The following BTBD7 variants were observed in gnomAD, a reference collection of about 807,000 sequenced individuals.
The protein encoded by BTBD7 is BTB/POZ domain-containing protein 7.
Under a neutral mutation model 99.9 loss-of-function variants are expected in BTBD7, and 38 were observed. The ratio of observed to expected loss-of-function variants is 0.38; its 90% CI spans 0.29 to 0.50. The LOEUF (loss-of-function observed/expected upper bound fraction) is 0.50. BTBD7 is among the 20% of genes least tolerant of loss of function. BTBD7 has a pLI of 0.93. For missense variants in BTBD7, 1,170 were observed against 1,394.6 expected (o/e 0.84, Z 2.57); for synonymous variants, 520 against 511.4 (o/e 1.02, Z -0.23).
chr14:93,270,420 G>C (rs933862365), intron 3 of BTBD7, among the ~76,000 whole-genome samples: 1 of 152,058 alleles, frequency 6.6e-6, no homozygotes, highest in Non-Finnish European at 1.5e-5. Context: ...ACAGCCAAGC[G>C]TGGTGGTGGG....
rs76599585 is a variant in BTBD7, at chr14:93,243,114, G to A, written c.2584-26C>T. The A allele has an allele frequency of 3.2e-3, 5,048 of 1,584,510 alleles. 145 individuals carry two copies. In the African/African-American group the frequency reaches 0.062, roughly 19 times the overall value. ...CTGCAGACAGAGACAAAAATGGTGG[G>A]AGGGTTAAAAAAAGGACCCATCCTC... On this transcript the variant is annotated intron_variant, in intron 10 of 10. Transcript: ENST00000334746.
At chr14:93,318,245 A>C (rs1346020998) in intron 1 of BTBD7, among the ~76,000 whole-genome samples, 1 of 152,198 alleles carries the variant, frequency 6.6e-6, no homozygotes, top group Non-Finnish European at 1.5e-5. Flanking sequence ...ATCAAGAATA[A>C]AGCTATTTTT....
At position 93,245,944 on chromosome 14, in the gene BTBD7, C is replaced by T; in HGVS notation, c.2464G>A (p.Ala822Thr). ...PPPVYLPSVKAAPPDCTSTAG... is the reference protein window; with the variant it reads ...PPPVYLPSVKTAPPDCTSTAG... ...GTGCTGGTACAATCAGGCGGTGCAG[C>T]TTTCACACTCGGCAAGTAGACTGGG... Residue 822 changes from alanine (A) to threonine (T), a missense_variant, in exon 10 of 11, where the codon GCT becomes ACT. Around this residue, in one of 4 missense-constraint regions of BTBD7, gnomAD observed 495 missense variants for 525.9 expected, o/e 0.94. Coordinates refer to ENST00000334746, the MANE Select transcript of BTBD7 (RefSeq NM_001002860.4). 2 of 1,614,146 alleles carry T rather than the reference C, an allele frequency of 1.2e-6. No homozygotes were observed. The highest frequency in any genetic ancestry group is 1.7e-6 in the Non-Finnish European group (2 of 1,180,030).
intron 1 of BTBD7, among the ~76,000 whole-genome samples, chr14:93,315,949 ATC>A (rs2053198848): frequency 1.7e-5 from 2 of 115,976 alleles, no homozygotes; most frequent in Non-Finnish European, 3.4e-5. Flanking sequence ...AGCAAAATGT[ATC>A]TTTTTTTTTT....
At chr14:93,307,807 A>C (rs984646115) in intron 1 of BTBD7, among the ~76,000 whole-genome samples, 1 of 152,178 alleles carries the variant, frequency 6.6e-6, no homozygotes, top group Non-Finnish European at 1.5e-5. Context: ...TTCAACACTA[A>C]ATCCTCACCA....
At chr14:93,284,046 A>G (rs975926425) in intron 3 of BTBD7, among the ~76,000 whole-genome samples, 5 of 147,846 alleles carry the variant, frequency 3.4e-5, no homozygotes, top group African/African-American at 1.3e-4. Flanking sequence ...ATAATTTACC[A>G]TAAATTTAAT....
intron 1 of BTBD7, among the ~76,000 whole-genome samples, chr14:93,323,750 A>C (rs537529614): frequency 1.3e-5 from 2 of 152,312 alleles, no homozygotes; most frequent in Non-Finnish European, 2.9e-5. Context: ...ACAATGTCTG[A>C]TCTCACTGGT....
chr14:93,299,563 T>C (rs1566856280), intron 1 of BTBD7, among the ~76,000 whole-genome samples: 2 of 148,230 alleles, frequency 1.3e-5, no homozygotes, highest in South Asian at 4.2e-4. Context: ...ATCACCATTC[T>C]GGGGGACTCC....
intron 3 of BTBD7, among the ~76,000 whole-genome samples, chr14:93,265,349 A>C (rs1194567125): frequency 6.6e-6 from 1 of 152,238 alleles, no homozygotes; most frequent in Non-Finnish European, 1.5e-5. Context: ...GAACCGTATA[A>C]CTTCATTTCC....
At position 93,242,148 on chromosome 14, in the gene BTBD7, A is replaced by T; in HGVS notation, c.*125T>A. ...CTAATAAACACATATATACACAAAA[A>T]CTAGAACAAAATCATGTGAAACCGA... On this transcript the variant is annotated 3_prime_UTR_variant, in exon 11 of 11. Coordinates refer to ENST00000334746, the MANE Select transcript of BTBD7 (RefSeq NM_001002860.4). 1.1e-6 allele frequency: 1 copy of T among 875,204 alleles called. No homozygotes were observed. Among genetic ancestry groups the T allele is most frequent in the Non-Finnish European group, 1.7e-6 (1 of 573,764 alleles). 54.2% of individuals were successfully genotyped at this position (875,204 alleles called of 1,614,324 possible).
intron 5 of BTBD7, among the ~76,000 whole-genome samples, chr14:93,261,202 G>A (rs917872794): frequency 3.9e-5 from 6 of 152,146 alleles, no homozygotes; most frequent in Non-Finnish European, 5.9e-5. Context: ...ATTTTAAAGC[G>A]TACCATTCAG....
intron 5 of BTBD7, among the ~76,000 whole-genome samples, chr14:93,257,725 T>C (rs1453239602): frequency 1.3e-5 from 2 of 152,258 alleles, no homozygotes; most frequent in Admixed American, 1.3e-4. Context: ...ATAAGGTCAT[T>C]GTAGAGCATA....
At chr14:93,323,893 CACTT>C (rs538802518) in intron 1 of BTBD7, among the ~76,000 whole-genome samples, 101 of 152,302 alleles carry the variant, frequency 6.6e-4, no homozygotes, top group African/African-American at 2.1e-3. Flanking sequence ...CATCTTAACT[CACTT>C]ACTGAATACC....
rs568453390 is a variant in BTBD7 at position 93,240,504 on chromosome 14, C to T, written c.*1769G>A. 14 of 152,568 alleles carry T rather than the reference C, an allele frequency of 9.2e-5. No individual in the cohort carries two copies. The highest frequency in any genetic ancestry group is 2.9e-4 in the African/African-American group (12 of 41,428). 9.5% of individuals were successfully genotyped at this position (152,568 alleles called of 1,614,324 possible). A position where few individuals can be genotyped will look rare whatever the true frequency, so the allele number is the denominator to read the frequency against. On this transcript the variant is annotated 3_prime_UTR_variant, in exon 11 of 11. Transcript: ENST00000334746. The stretch of plus-strand genomic sequence containing the variant: ...CCGGTAGCTCATAAACGCTCCCTAG[C>T]CCTGCATAGTTTTCGAGTGAGTGTG...
chr14:93,254,319 A>G (rs1301365560), intron 6 of BTBD7, among the ~76,000 whole-genome samples: 1 of 152,244 alleles, frequency 6.6e-6, no homozygotes, highest in Non-Finnish European at 1.5e-5. Context: ...AAATAGAGGA[A>G]TATTTTTAAA....
At chr14:93,313,337 C>T (rs1229785948) in intron 1 of BTBD7, among the ~76,000 whole-genome samples, 1 of 152,138 alleles carries the variant, frequency 6.6e-6, no homozygotes, top group Admixed American at 6.5e-5. Flanking sequence ...TTTAAATTGA[C>T]ATTTTCTATA....
intron 1 of BTBD7, among the ~76,000 whole-genome samples, chr14:93,299,497 T>C (rs1044331079): frequency 6.6e-6 from 1 of 152,154 alleles, no homozygotes; most frequent in Admixed American, 6.5e-5. Flanking sequence ...GGAGAAGGTC[T>C]ACAGGACTTG....
intron 3 of BTBD7, among the ~76,000 whole-genome samples, chr14:93,286,313 A>T (rs936057589): frequency 6.6e-6 from 1 of 152,216 alleles, no homozygotes; most frequent in Non-Finnish European, 1.5e-5. Context: ...GGCAGCCAGA[A>T]AAGTCAAATG....
chr14:93,245,790 C>T (rs553522189), intron 10 of BTBD7, 35 bp downstream of exon 10: 34 of 1,583,946 alleles, frequency 2.1e-5, no homozygotes, highest in Middle Eastern at 2.0e-4. Context: ...CTCCATAAAC[C>T]GAATTTGAAG....
Sources: allele counts gnomAD v4.1 joint callset (sites outside exome capture counted in the v4.1 genomes callset), GRCh38; gene constraint gnomAD v4.1.1; regional missense constraint gnomAD v4.1.1; transcripts MANE v1.5; gene names NCBI Gene and HGNC (gene_info 2026-07-23, HGNC 2026-07-21).